ADD1: variants seen among roughly 807,000 people sequenced by gnomAD.
The protein encoded by ADD1 is alpha-adducin.
Under a neutral mutation model 80.5 loss-of-function variants are expected in ADD1, and 24 were observed. The observed-to-expected ratio is 0.30, with a 90% CI of 0.22 to 0.42. The LOEUF (loss-of-function observed/expected upper bound fraction) is 0.42, where lower values mean the gene tolerates loss of function less well. Among genes scored for constraint, ADD1 ranks in the 10% least tolerant of loss-of-function variants. ADD1 has a pLI of 1.00. For missense variants in ADD1, 948 were observed against 1,019.0 expected (o/e 0.93, Z 0.95); for synonymous variants, 373 against 393.8 (o/e 0.95, Z 0.63).
intron 9 of ADD1, chr4:2,901,289 T>A (rs1736131580): frequency 6.6e-6 from 1 of 151,942 alleles, no homozygotes; most frequent in Admixed American, 6.6e-5. Context: ...CTACTTACAG[T>A]CAGTGTGAGG....
chr4:2,909,276 C>T, intron 12 of ADD1, 63 bp from the exon 13 acceptor site: 4 of 1,368,278 alleles, frequency 2.9e-6, no homozygotes, highest in Non-Finnish European at 3.1e-6. Context: ...CCATCCTGTG[C>T]TCTCAGCTGA....
chr4:2,909,298 C>G (rs1262384647), intron 12 of ADD1, 41 bp from the exon 13 acceptor site: 2 of 1,482,942 alleles, frequency 1.3e-6, no homozygotes, highest in Non-Finnish European at 1.8e-6. Flanking sequence ...ATTTCACAGG[C>G]TGGGCCTGGT....
At chr4:2,916,767 T>C (rs1289523865) in intron 14 of ADD1, among the ~76,000 whole-genome samples, 1 of 152,212 alleles carries the variant, frequency 6.6e-6, no homozygotes, top group Non-Finnish European at 1.5e-5. Flanking sequence ...TCCCCACTTA[T>C]GAGTGAGAAC....
intron 1 of ADD1, among the ~76,000 whole-genome samples, chr4:2,872,841 T>G (rs1435168031): frequency 6.6e-6 from 1 of 152,184 alleles, no homozygotes; most frequent in African/African-American, 2.4e-5. Flanking sequence ...ATTACAGGCA[T>G]GAGCCACCAC....
At chr4:2,906,739 A>T (rs949995790) in intron 10 of ADD1, among the ~76,000 whole-genome samples, 81 of 152,370 alleles carry the variant, frequency 5.3e-4, no homozygotes, top group African/African-American at 1.9e-3. Flanking sequence ...TTTTTAATAA[A>T]ACGCTGGAGT....
chr4:2,915,162 C>G, intron 14 of ADD1, 122 bp downstream of exon 14: 1 of 1,130,816 alleles, frequency 8.8e-7, no homozygotes, highest in Non-Finnish European at 1.2e-6. Flanking sequence ...CAAAGACAAA[C>G]CAGAACTTTA....
At chr4:2,860,076 C>T (rs1280303553) in intron 1 of ADD1, among the ~76,000 whole-genome samples, 2 of 152,094 alleles carry the variant, frequency 1.3e-5, no homozygotes, top group African/African-American at 2.4e-5. Flanking sequence ...CCTGTGCTTC[C>T]TGACTTAGCT....
At chr4:2,925,617 C>T (rs1057373721) in intron 14 of ADD1, among the ~76,000 whole-genome samples, 3 of 152,150 alleles carry the variant, frequency 2.0e-5, no homozygotes, top group Non-Finnish European at 4.4e-5. Flanking sequence ...CATGTGATGT[C>T]CCTTAAGGTG....
At chr4:2,896,948 C>T (rs142935452) in intron 6 of ADD1, among the ~76,000 whole-genome samples, 323 of 151,332 alleles carry the variant, frequency 2.1e-3, no homozygotes, top group African/African-American at 7.2e-3. Flanking sequence ...TTGGTAGAGA[C>T]GGGGTTTCAC....
intron 1 of ADD1, among the ~76,000 whole-genome samples, chr4:2,858,670 A>C (rs1374972202): frequency 6.6e-6 from 1 of 152,216 alleles, no homozygotes; most frequent in Non-Finnish European, 1.5e-5. Context: ...GCTTATCTTT[A>C]GTTGCTTCAC....
At chr4:2,877,861 A>G (rs1466625863) in intron 2 of ADD1, among the ~76,000 whole-genome samples, 2 of 152,204 alleles carry the variant, frequency 1.3e-5, no homozygotes. Context: ...CGGCAATCCC[A>G]GCTACTCAGG....
chr4:2,928,007 T>C (rs1036230395), intron 15 of ADD1, among the ~76,000 whole-genome samples, 164 bp from the exon 16 acceptor site: 1 of 152,194 alleles, frequency 6.6e-6, no homozygotes, highest in South Asian at 2.1e-4. Flanking sequence ...ATTAGCTCCA[T>C]CCAGCCGTAC....
At chr4:2,864,742 C>T (rs1259122440) in intron 1 of ADD1, among the ~76,000 whole-genome samples, 2 of 150,966 alleles carry the variant, frequency 1.3e-5, no homozygotes, top group Non-Finnish European at 2.9e-5. Flanking sequence ...AGGTGGGGGG[C>T]GCTGATGTCA....
At chr4:2,889,547 C>T (rs908742971) in intron 4 of ADD1, among the ~76,000 whole-genome samples, 1 of 152,056 alleles carries the variant, frequency 6.6e-6, no homozygotes, top group Non-Finnish European at 1.5e-5. Flanking sequence ...ATAGGCCAGG[C>T]GTGGTGGCTT....
Position 2,928,391 on chromosome 4 carries a change from C to A in ADD1, c.2268C>A (p.Pro756=). ...DPAPVAEEAA[P]SAVEEGAAAD... ...CCCCGGTGGCTGAAGAGGCTGCCCC[C>A]TCAGCTGTCGAGGAGGGGGCCGCCG... The change falls in exon 16 of 16, where the codon CCC becomes CCA. Residue 756 remains proline, a synonymous_variant. Coordinates refer to ENST00000683351, the MANE Select transcript of ADD1 (RefSeq NM_001354761.2). 1 of 1,613,354 alleles carries A rather than the reference C, an allele frequency of 6.2e-7. No homozygotes were observed. The highest frequency in any genetic ancestry group is 8.5e-7 in the Non-Finnish European group (1 of 1,179,934).
intron 3 of ADD1, among the ~76,000 whole-genome samples, chr4:2,883,317 G>GT (rs61653919): frequency 0.023 from 3,215 of 142,608 alleles, 59 homozygotes; most frequent in African/African-American, 0.048. Context: ...TGAACAATTA[G>GT]TTTTTTTTTT....
At position 2,904,796 on chromosome 4, in the gene ADD1, T is replaced by A. The variant is rs138254700; in HGVS notation, c.1194T>A (p.Pro398=). The A allele has an allele frequency of 7.4e-4, 1,195 of 1,614,220 alleles. 5 individuals carry two copies. Among genetic ancestry groups the A allele is most frequent in the Middle Eastern group, 4.8e-3 (29 of 6,062 alleles). ...GAACTGGCTACCCTTATCGATACCC[T>A]GCTCTGAGAGAGAAGTCTAAAAAAT... ...GYRTGYPYRY[P]ALREKSKKYS... The change falls in exon 10 of 16, where the codon CCT becomes CCA. Residue 398 remains proline, a synonymous_variant. Transcript: ENST00000683351.
At chr4:2,883,018 C>T (rs1266024399) in intron 3 of ADD1, among the ~76,000 whole-genome samples, 3 of 152,176 alleles carry the variant, frequency 2.0e-5, no homozygotes, top group African/African-American at 4.8e-5. Context: ...CACACCACCA[C>T]ACCTGGCTAA....
intron 14 of ADD1, among the ~76,000 whole-genome samples, chr4:2,925,174 G>A (rs1740761784): frequency 6.6e-6 from 1 of 152,208 alleles, no homozygotes. Flanking sequence ...TCCCGGTTGA[G>A]GCTGTATGCT....
Sources: allele counts gnomAD v4.1 joint callset (sites outside exome capture counted in the v4.1 genomes callset), GRCh38; gene constraint gnomAD v4.1.1; transcripts MANE v1.5; gene names NCBI Gene and HGNC (gene_info 2026-07-23, HGNC 2026-07-21).